Variants in CYB561D1 observed in about 807,000 individuals in gnomAD.
CYB561D1 encodes the protein cytochrome b561 family member D1.
A neutral mutation model predicts 19.2 loss-of-function variants in CYB561D1; 15 were observed. The observed-to-expected ratio is 0.78, with a 90% CI of 0.52 to 1.20. The LOEUF is 1.20. Among genes scored for constraint, CYB561D1 ranks in the 50% most tolerant of loss-of-function variants. The pLI is 0.00. For missense variants in CYB561D1, 297 were observed against 287.3 expected, an observed-to-expected ratio of 1.03 and a Z score of -0.24; for synonymous variants, 133 against 120.6, an observed-to-expected ratio of 1.10 and a Z score of -0.68.
At chr1:109,494,410 A>C in intron 1 of CYB561D1, 123 bp downstream of exon 1, 1 of 1,538,204 alleles carries the variant, frequency 6.5e-7, no homozygotes, top group Non-Finnish European at 8.8e-7. Context: ...GAAACAGTGG[A>C]GGGATTTTGA....
intron 1 of CYB561D1, 137 bp downstream of exon 1, chr1:109,494,424 C>A: frequency 6.5e-7 from 1 of 1,543,004 alleles, no homozygotes. Context: ...ATTTTGAGGG[C>A]CTGGTGGGGC....
intron 2 of CYB561D1, 131 bp from the exon 3 acceptor site, chr1:109,495,625 G>A: frequency 6.5e-7 from 1 of 1,530,618 alleles, no homozygotes; most frequent in South Asian, 1.3e-5. Flanking sequence ...GAGCTGTGAG[G>A]CTGGTGGTCC....
In CYB561D1 at chr1:109,495,154, T is replaced by C; in HGVS notation, c.160T>C (p.Trp54Arg). The change falls in exon 2 of 3, where the codon TGG (tryptophan) becomes CGG (arginine). Residue 54 changes from tryptophan to arginine, a missense_variant. Transcript: ENST00000420578. ...LSRPGTSLFS[W>R]HPVFMALAFC... ...TCTTTGATTCTTAGGTCTTTTCTCC[T>C]GGCACCCTGTATTCATGGCCTTGGC... 3 of 1,614,240 alleles carry C rather than the reference T, an allele frequency of 1.9e-6. No homozygotes were observed. The highest frequency in any genetic ancestry group is 2.5e-6 in the Non-Finnish European group (3 of 1,180,028).
At chr1:109,494,895 C>T (rs912478272) in intron 1 of CYB561D1, among the ~76,000 whole-genome samples, 2 of 151,978 alleles carry the variant, frequency 1.3e-5, no homozygotes, top group Non-Finnish European at 2.9e-5. Flanking sequence ...GGGCAGAGGA[C>T]TGGGCTGCCA....
At chr1:109,494,718 T>C in intron 1 of CYB561D1, 1 of 567,244 alleles carries the variant, frequency 1.8e-6, no homozygotes, top group Non-Finnish European at 2.7e-6. Flanking sequence ...GCGCCTGTAG[T>C]TCCAGCTACT....
chr1:109,494,750 T>C, intron 1 of CYB561D1: 2 of 412,870 alleles, frequency 4.8e-6, no homozygotes, highest in Non-Finnish European at 8.5e-6. Context: ...GGGAGGAGAA[T>C]CGCTTGAACC....
intron 2 of CYB561D1, chr1:109,495,534 A>T: frequency 1.3e-6 from 1 of 793,980 alleles, no homozygotes; most frequent in Non-Finnish European, 2.0e-6. Context: ...GAGTCATTGT[A>T]GAGGTTGGGA....
chr1:109,495,079 C>T, intron 1 of CYB561D1, 64 bp from the exon 2 acceptor site: 1 of 1,566,096 alleles, frequency 6.4e-7, no homozygotes, highest in Non-Finnish European at 8.8e-7. Flanking sequence ...TCTTTGGGTT[C>T]CACCTAGCTA....
chr1:109,496,316 T>C lies in CYB561D1; in HGVS notation c.*57T>C, dbSNP rs2101050777. On this transcript the variant is annotated 3_prime_UTR_variant, in exon 3 of 3. Transcript: ENST00000420578. ...CTTGCCTTGAACATCATGGTTCCTT[T>C]GGTGATCTATAAGGGATCTATTTAA... The C allele has an allele frequency of 6.6e-7, 1 of 1,516,006 alleles. No individual in the cohort carries two copies. Among genetic ancestry groups the C allele is most frequent in the Non-Finnish European group, 8.9e-7 (1 of 1,127,698 alleles). The allele number at this position is 1,516,006 out of a possible 1,614,324, so 93.9% of individuals were successfully genotyped here. A position where few individuals can be genotyped will look rare whatever the true frequency, so the allele number is the denominator to read the frequency against.
chr1:109,494,277 G>A lies in CYB561D1; in HGVS notation c.138G>A (p.Arg46=). The change falls in exon 1 of 3, where the codon CGG becomes CGA. Residue 46 remains arginine (R), a synonymous_variant. Coordinates refer to ENST00000420578, the MANE Select transcript of CYB561D1 (RefSeq NM_182580.3). ...CCATCTTTCTGACAGCGCTGTCCCG[G>A]CCAGGAACCAGTGAGTGTGCGGGGC... ...GFTIFLTALS[R]PGTSLFSWHP... 6.3e-7 allele frequency: 1 copy of A among 1,587,730 alleles called. No individual in the cohort carries two copies. Among genetic ancestry groups the A allele is most frequent in the Non-Finnish European group, 8.6e-7 (1 of 1,166,528 alleles).
chr1:109,494,346 G>T, intron 1 of CYB561D1, 59 bp downstream of exon 1: 1 of 1,523,790 alleles, frequency 6.6e-7, no homozygotes, highest in Non-Finnish European at 8.8e-7. Flanking sequence ...GAGGGGCAGC[G>T]CTTGGGAGCC....
Position 109,496,327 on chromosome 1 carries a change from A to G in CYB561D1, c.*68A>G. 2.0e-6 allele frequency: 3 copies of G among 1,501,172 alleles called. No homozygotes were observed. The highest frequency in any genetic ancestry group is 2.7e-6 in the Non-Finnish European group (3 of 1,119,160). 93.0% of individuals were successfully genotyped at this position (1,501,172 alleles called of 1,614,324 possible). The stretch of plus-strand genomic sequence containing the variant: ...CATCATGGTTCCTTTGGTGATCTAT[A>G]AGGGATCTATTTAAGAAGTGGTCAG... On this transcript the variant is annotated 3_prime_UTR_variant, in exon 3 of 3. Coordinates refer to ENST00000420578, the MANE Select transcript of CYB561D1 (RefSeq NM_182580.3).
intron 1 of CYB561D1, 115 bp from the exon 2 acceptor site, chr1:109,495,028 C>T (rs1049576058): frequency 6.8e-5 from 87 of 1,270,284 alleles, no homozygotes; most frequent in Non-Finnish European, 9.0e-5. Flanking sequence ...TTCCTGTGCC[C>T]GATTAGGATT....
Position 109,494,249 on chromosome 1 carries a change from T to A in CYB561D1, c.110T>A (p.Phe37Tyr). The A allele has an allele frequency of 6.3e-7, 1 of 1,585,492 alleles. No homozygotes were observed. The highest frequency in any genetic ancestry group is 8.6e-7 in the Non-Finnish European group (1 of 1,165,690). The change falls in exon 1 of 3, where the codon TTC becomes TAC. Residue 37 changes from phenylalanine to tyrosine, a missense_variant. Transcript: ENST00000420578. ...TTGGCGCACCTGGTAGCTTTGGGCT[T>A]CACCATCTTTCTGACAGCGCTGTCC... ...GILAHLVALG[F>Y]TIFLTALSRP... is the part of the protein sequence containing the mutation.
intron 1 of CYB561D1, 93 bp downstream of exon 1, chr1:109,494,380 C>T: frequency 6.6e-7 from 1 of 1,523,434 alleles, no homozygotes; most frequent in Non-Finnish European, 8.8e-7. Context: ...AGGAGGGACC[C>T]CAGCAGTAAA....
rs371656454 is a variant in CYB561D1 at position 109,496,159 on chromosome 1, C to T, written c.590C>T (p.Ala197Val). 18 of 1,613,452 alleles carry T rather than the reference C, an allele frequency of 1.1e-5. 1 individual carries two copies. The highest frequency in any genetic ancestry group is 3.3e-4 in the Middle Eastern group (2 of 6,082). Residue 197 changes from alanine to valine, a missense_variant, in exon 3 of 3, where the codon GCG becomes GTG. Transcript: ENST00000420578. ...TGGTTCCAGGCCCAGATCAAAGGTGCGGCCTGGTACCTGTGCCTGGCACTG... is the reference window on the plus strand; with the variant it reads ...TGGTTCCAGGCCCAGATCAAAGGTGTGGCCTGGTACCTGTGCCTGGCACTG... ...SVWFQAQIKG[A>V]AWYLCLALPV... is the part of the protein sequence containing the mutation.
chr1:109,495,649 T>C, intron 2 of CYB561D1, 107 bp from the exon 3 acceptor site: 1 of 1,587,342 alleles, frequency 6.3e-7, no homozygotes, highest in Non-Finnish European at 8.6e-7. Flanking sequence ...TTGAACTTAT[T>C]TAACCCTTAC....
At position 109,498,847 on chromosome 1, in the gene CYB561D1, CCTTT is replaced by C. The variant is rs1316533151; in HGVS notation, c.*2589_*2592del. 1.0e-5 allele frequency: 1 copy of C among 97,286 alleles called. No homozygotes were observed. Among genetic ancestry groups the C allele is most frequent in the Non-Finnish European group, 1.9e-5 (1 of 53,552 alleles). 6.0% of individuals were successfully genotyped at this position (97,286 alleles called of 1,614,324 possible). A position where few individuals can be genotyped will look rare whatever the true frequency, so the allele number is the denominator to read the frequency against. On this transcript the variant is annotated 3_prime_UTR_variant, in exon 3 of 3. Transcript: ENST00000420578. ...AGCTGCTAGTGGTCAGCCTGTTTTG[CCTTT>C]TTTTAAAAAAAAAAAAAAAGCCAGG...
In CYB561D1 at chr1:109,496,350, C is replaced by CA; in HGVS notation, c.*92dup. ...ATAAGGGATCTATTTAAGAAGTGGTCAGGTTTTCGCACTTCTTGGCTGGTC... is the reference window on the plus strand; with the variant it reads ...ATAAGGGATCTATTTAAGAAGTGGTCAAGGTTTTCGCACTTCTTGGCTGGTC... On this transcript the variant is annotated 3_prime_UTR_variant, in exon 3 of 3. Coordinates refer to ENST00000420578, the MANE Select transcript of CYB561D1 (RefSeq NM_182580.3). The CA allele has an allele frequency of 7.0e-7, 1 of 1,431,194 alleles. No homozygotes were observed. The highest frequency in any genetic ancestry group is 1.4e-5 in the South Asian group (1 of 70,222). The allele number at this position is 1,431,194 out of a possible 1,614,324, so 88.7% of individuals were successfully genotyped here. A position where few individuals can be genotyped will look rare whatever the true frequency, so the allele number is the denominator to read the frequency against.
Sources: gnomAD v4.1 joint callset for allele counts (sites outside exome capture counted in the v4.1 genomes callset) on GRCh38, gnomAD v4.1.1 for gene constraint, MANE v1.5 for transcripts, NCBI Gene and HGNC (gene_info 2026-07-23, HGNC 2026-07-21) for gene names.